The following EIF2S3B variants were observed in gnomAD, a reference collection of about 807,000 sequenced individuals.
EIF2S3B encodes the protein eukaryotic translation initiation factor 2 subunit 3B.
A neutral mutation model predicts 26.4 loss-of-function variants in EIF2S3B; 16 were observed. The ratio of observed to expected loss-of-function variants is 0.61; its 90% confidence interval spans 0.41 to 0.92. EIF2S3B has a LOEUF of 0.92. Among genes scored for constraint, EIF2S3B ranks in the 40% least tolerant of loss-of-function variants. EIF2S3B has a pLI of 0.00. For missense variants in EIF2S3B, 510 were observed against 575.5 expected (o/e 0.89, Z 1.16); for synonymous variants, 183 against 204.4 (o/e 0.90, Z 0.89).
At position 10,507,610 on chromosome 12, in the gene EIF2S3B, A is replaced by G. The variant is rs1864654915; in HGVS notation, c.*289A>G. 1 of 530,542 alleles carries G rather than the reference A, an allele frequency of 1.9e-6. No homozygotes were observed. Among genetic ancestry groups the G allele is most frequent in the African/African-American group, 1.9e-5 (1 of 51,982 alleles). 32.9% of individuals were successfully genotyped at this position (530,542 alleles called of 1,614,324 possible). ...ATTATGCAGTTTTTTTGTTTGTTTT[A>G]TTTTGTTTTGTTTTTGAGTCTGGCT... On this transcript the variant is annotated 3_prime_UTR_variant, in exon 1 of 1. Coordinates refer to ENST00000538173, the MANE Select transcript of EIF2S3B (RefSeq NM_001357734.3).
At position 10,507,131 on chromosome 12, in the gene EIF2S3B, C is replaced by T. The variant is rs761096418; in HGVS notation, c.1229C>T (p.Ser410Phe). The stretch of plus-strand genomic sequence containing the variant: ...GAAGTGCTCATGGTGAACATAGGAT[C>T]CCTGTCGACAGGAGGGAGAGTTAGT... ...KNEVLMVNIG[S>F]LSTGGRVSAV... The change falls in exon 1 of 1, where the codon TCC becomes TTC. Residue 410 changes from serine (S) to phenylalanine (F), a missense_variant. By Grantham distance (155) the Ser-to-Phe change is radical. Coordinates refer to ENST00000538173, the MANE Select transcript of EIF2S3B (RefSeq NM_001357734.3). The T allele has an allele frequency of 1.9e-6, 3 of 1,613,790 alleles. No homozygotes were observed. In the South Asian group the frequency reaches 3.3e-5, roughly 18 times the overall value.
intron 1 of EIF2S3B, among the ~76,000 whole-genome samples, chr12:10,513,956 A>G (rs1472403774): frequency 6.6e-6 from 1 of 152,216 alleles, no homozygotes; most frequent in Non-Finnish European, 1.5e-5. Context: ...TGGAGGTTGC[A>G]GTAAGCTGAG....
intron 1 of EIF2S3B, among the ~76,000 whole-genome samples, chr12:10,521,978 T>C (rs188757948): frequency 1.3e-5 from 2 of 152,300 alleles, no homozygotes; most frequent in Admixed American, 6.5e-5. Context: ...ATGTAAGTAA[T>C]GAGACATTAA....
At chr12:10,509,905 T>C (rs1864688216), downstream of EIF2S3B, among the ~76,000 whole-genome samples, 1 of 152,122 alleles carries the variant, frequency 6.6e-6, no homozygotes, top group Non-Finnish European at 1.5e-5. Context: ...AATGTGTATT[T>C]TTCATTGTTA....
In EIF2S3B at chr12:10,506,198, C is replaced by A; in HGVS notation, c.296C>A (p.Pro99Gln). The change falls in exon 1 of 1, where the codon CCA becomes CAA. Residue 99 changes from proline (P) to glutamine (Q), a missense_variant. Pro to Gln is a moderately conservative substitution (Grantham distance 76). Coordinates refer to ENST00000538173, the MANE Select transcript of EIF2S3B (RefSeq NM_001357734.3). ...YQLDDPSCPR[P>Q]ECYRSCGSSM... ...CTTGATGACCCAAGTTGCCCTCGGCCAGAATGTTATCGATCTTGTGGGAGC... is the reference window on the plus strand; with the variant it reads ...CTTGATGACCCAAGTTGCCCTCGGCAAGAATGTTATCGATCTTGTGGGAGC... 6.3e-7 allele frequency: 1 copy of A among 1,586,176 alleles called. No homozygotes were observed. The highest frequency in any genetic ancestry group is 8.7e-7 in the Non-Finnish European group (1 of 1,154,700).
At chr12:10,519,216 C>T (rs1864802005) in intron 1 of EIF2S3B, among the ~76,000 whole-genome samples, 1 of 152,164 alleles carries the variant, frequency 6.6e-6, no homozygotes, top group African/African-American at 2.4e-5. Context: ...TTATCTACAA[C>T]TATCTGATCT....
intron 1 of EIF2S3B, among the ~76,000 whole-genome samples, chr12:10,519,660 C>T (rs1864808932): frequency 2.0e-5 from 3 of 152,194 alleles, no homozygotes; most frequent in Non-Finnish European, 4.4e-5. Flanking sequence ...AACAAATTTA[C>T]AGGAAAAAAA....
At chr12:10,516,706 C>T (rs1176367943) in intron 1 of EIF2S3B, among the ~76,000 whole-genome samples, 1 of 151,792 alleles carries the variant, frequency 6.6e-6, no homozygotes, top group Non-Finnish European at 1.5e-5. Context: ...AAAGGGAATG[C>T]TTCCAGTTTT....
At chr12:10,520,315 A>T (rs79247934) in intron 1 of EIF2S3B, among the ~76,000 whole-genome samples, 1 of 144,992 alleles carries the variant, frequency 6.9e-6, no homozygotes, top group Non-Finnish European at 1.5e-5. Context: ...AACAATGAGA[A>T]CACATGGACA....
At position 10,506,236 on chromosome 12, in the gene EIF2S3B, G is replaced by A; in HGVS notation, c.334G>A (p.Glu112Lys). ...YRSCGSSMPD[E>K]FPTDIPGTKG... The stretch of plus-strand genomic sequence containing the variant: ...ATCTTGTGGGAGCAGTATGCCTGAT[G>A]AGTTTCCTACAGACATTCCAGGAAC... The change falls in exon 1 of 1, where the codon GAG becomes AAG. Residue 112 changes from glutamate (E) to lysine (K), a missense_variant. Coordinates refer to ENST00000538173, the MANE Select transcript of EIF2S3B (RefSeq NM_001357734.3). The A allele has an allele frequency of 6.2e-7, 1 of 1,604,806 alleles. No homozygotes were observed. Among genetic ancestry groups the A allele is most frequent in the Non-Finnish European group, 8.5e-7 (1 of 1,171,536 alleles).
downstream of EIF2S3B, among the ~76,000 whole-genome samples, chr12:10,512,337 A>G (rs1864713099): frequency 6.6e-6 from 1 of 152,168 alleles, no homozygotes; most frequent in Non-Finnish European, 1.5e-5. Flanking sequence ...TCTGAAGGCC[A>G]GCTGGCAAAA....
At chr12:10,518,036 T>C (rs1864782248) in intron 1 of EIF2S3B, among the ~76,000 whole-genome samples, 1 of 151,932 alleles carries the variant, frequency 6.6e-6, no homozygotes, top group South Asian at 2.1e-4. Flanking sequence ...TCCAACTATG[T>C]GGTCAATTTT....
chr12:10,512,715 T>C (rs1192994630), downstream of EIF2S3B, among the ~76,000 whole-genome samples: 2 of 152,248 alleles, frequency 1.3e-5, no homozygotes, highest in Non-Finnish European at 2.9e-5. Flanking sequence ...CCCCCTGTTA[T>C]GTCCTAAAGA....
At chr12:10,518,255 A>G (rs11053830) in intron 1 of EIF2S3B, among the ~76,000 whole-genome samples, 28,676 of 152,012 alleles carry the variant, frequency 0.19, 3,332 homozygotes, top group Middle Eastern at 0.28. Context: ...GTCTCTTTGT[A>G]GGTCACTCAG....
intron 1 of EIF2S3B, among the ~76,000 whole-genome samples, chr12:10,517,571 C>T (rs1303347511): frequency 6.6e-6 from 1 of 151,984 alleles, no homozygotes; most frequent in East Asian, 1.9e-4. Context: ...GCTCCTGGAT[C>T]CATTAATTTT....
rs769617048 is a variant in EIF2S3B at position 10,506,639 on chromosome 12, C to T, written c.737C>T (p.Pro246Leu). 68 of 1,613,018 alleles carry T rather than the reference C, an allele frequency of 4.2e-5. No homozygotes were observed. Among genetic ancestry groups the T allele is most frequent in the Middle Eastern group, 1.7e-4 (1 of 6,056 alleles). Reference protein sequence around the residue: ...CEYIVKKIPVPPRDFTSEPRL... With the variant: ...CEYIVKKIPVLPRDFTSEPRL... Reference sequence around the variant, plus strand: ...TACATAGTAAAGAAAATTCCAGTACCCCCAAGAGACTTTACTTCAGAGCCC... The same window carrying T: ...TACATAGTAAAGAAAATTCCAGTACTCCCAAGAGACTTTACTTCAGAGCCC... Residue 246 changes from proline to leucine, a missense_variant, in exon 1 of 1, where the codon CCC (proline) becomes CTC (leucine). Physicochemically the swap from Pro to Leu is moderately conservative, Grantham distance 98. Transcript: ENST00000538173.
intron 1 of EIF2S3B, among the ~76,000 whole-genome samples, chr12:10,518,341 T>C (rs1299556702): frequency 1.3e-5 from 2 of 152,188 alleles, no homozygotes; most frequent in South Asian, 2.1e-4. Context: ...CTTGATCCCT[T>C]TACCATTAGG....
downstream of EIF2S3B, among the ~76,000 whole-genome samples, chr12:10,509,189 ATT>A (rs1009923972): frequency 3.9e-5 from 6 of 152,208 alleles, no homozygotes; most frequent in African/African-American, 1.4e-4. Flanking sequence ...GATTCTTATC[ATT>A]GTTAGAATAT....
At position 10,508,264 on chromosome 12, in the gene EIF2S3B, A is replaced by G. The variant is rs1168905955; in HGVS notation, c.*943A>G. ...CCCCTTGCTCTTCCTGGCCTGAAATACGGGAAACTAGAGTCAGAAGTTATC... is the reference window on the plus strand; with the variant it reads ...CCCCTTGCTCTTCCTGGCCTGAAATGCGGGAAACTAGAGTCAGAAGTTATC... On this transcript the variant is annotated 3_prime_UTR_variant, in exon 1 of 1. Coordinates refer to ENST00000538173, the MANE Select transcript of EIF2S3B (RefSeq NM_001357734.3). Among the ~76,000 whole-genome samples the G allele has an allele frequency of 6.6e-6, 1 of 152,148 alleles. No individual in the cohort carries two copies. The highest frequency in any genetic ancestry group is 2.4e-5 in the African/African-American group (1 of 41,418).
Sources: gnomAD v4.1 joint callset for allele counts (sites outside exome capture counted in the v4.1 genomes callset) on GRCh38, gnomAD v4.1.1 for gene constraint, MANE v1.5 for transcripts, NCBI Gene and HGNC (gene_info 2026-07-23, HGNC 2026-07-21) for gene names.